The following GLIS1 variants were observed in gnomAD, a reference collection of about 807,000 sequenced individuals.
GLIS1 encodes the protein GLIS family zinc finger 1, also known as zinc finger protein GLIS1.
GLIS1 carries 24 observed loss-of-function variants against 63.8 expected under a neutral mutation model. The ratio of observed to expected loss-of-function variants is 0.38; its 90% CI spans 0.27 to 0.53. GLIS1 has a LOEUF of 0.53. Among genes scored for constraint, GLIS1 ranks in the 20% least tolerant of loss-of-function variants. The pLI is 0.85. For missense variants in GLIS1, 1,036 were observed against 1,074.1 expected, an observed-to-expected ratio of 0.96 and a Z score of 0.50; for synonymous variants, 450 against 482.5, an observed-to-expected ratio of 0.93 and a Z score of 0.88.
chr1:53,568,170 T>C (rs578118008), intron 4 of GLIS1, among the ~76,000 whole-genome samples: 1 of 152,356 alleles, frequency 6.6e-6, no homozygotes, highest in African/African-American at 2.4e-5. Flanking sequence ...GCCCACCCTT[T>C]ACATCAGCAT....
chr1:53,584,583 A>G (rs1645116882), intron 4 of GLIS1, among the ~76,000 whole-genome samples: 1 of 152,190 alleles, frequency 6.6e-6, no homozygotes, highest in Non-Finnish European at 1.5e-5. Context: ...TGAACTTGGC[A>G]CAAGGGGGTG....
At chr1:53,668,895 G>T (rs1259492425) in intron 2 of GLIS1, among the ~76,000 whole-genome samples, 1 of 152,142 alleles carries the variant, frequency 6.6e-6, no homozygotes, top group Non-Finnish European at 1.5e-5. Context: ...GTGAGGGTTG[G>T]GGGCTGAAAG....
At chr1:53,612,686 C>T (rs1645437656) in intron 2 of GLIS1, among the ~76,000 whole-genome samples, 1 of 152,188 alleles carries the variant, frequency 6.6e-6, no homozygotes, top group South Asian at 2.1e-4. Flanking sequence ...TGACTCTTGG[C>T]CCCACATTAC....
chr1:53,696,915 G>A (rs1332696159), intron 2 of GLIS1, among the ~76,000 whole-genome samples: 1 of 152,172 alleles, frequency 6.6e-6, no homozygotes, highest in Non-Finnish European at 1.5e-5. Flanking sequence ...CTCTCGAGAT[G>A]GCCACATGAG....
At chr1:53,585,754 G>C (rs1645128763) in intron 4 of GLIS1, among the ~76,000 whole-genome samples, 1 of 152,222 alleles carries the variant, frequency 6.6e-6, no homozygotes, top group South Asian at 2.1e-4. Context: ...TCAGAGGCCT[G>C]GCTGCAGGCA....
chr1:53,607,706 G>A (rs1645384821), intron 2 of GLIS1, among the ~76,000 whole-genome samples: 1 of 152,210 alleles, frequency 6.6e-6, no homozygotes, highest in African/African-American at 2.4e-5. Flanking sequence ...AGCTGCAGCT[G>A]ATGGCTTCCC....
rs745709709 is a variant in GLIS1, at chr1:53,530,044, AC to A, written c.1321-93del. On this transcript the variant is annotated intron_variant, in intron 4 of 10. Transcript: ENST00000628545. ...CCCCCCAGGCCTGCCTGGCCCCAGCACCCCTGCCCCTCCCATCCTGCTGGAG... is the reference window on the plus strand; with the variant it reads ...CCCCCCAGGCCTGCCTGGCCCCAGCACCCTGCCCCTCCCATCCTGCTGGAG... 30 of 1,205,134 alleles carry A rather than the reference AC, an allele frequency of 2.5e-5. No homozygotes were observed. The South Asian group carries it at 3.5e-4, about 14-fold the overall frequency. 74.7% of individuals were successfully genotyped at this position (1,205,134 alleles called of 1,614,324 possible).
chr1:53,537,405 A>G (rs1569779456), intron 4 of GLIS1, among the ~76,000 whole-genome samples: 1 of 152,214 alleles, frequency 6.6e-6, no homozygotes, highest in Non-Finnish European at 1.5e-5. Flanking sequence ...CTGGGGAAGA[A>G]CCAAGGGCCC....
chr1:53,653,951 G>A (rs1645936372), intron 2 of GLIS1, among the ~76,000 whole-genome samples: 1 of 152,232 alleles, frequency 6.6e-6, no homozygotes, highest in Admixed American at 6.5e-5. Flanking sequence ...GGTGCCACAG[G>A]ACCGGCAGGT....
At chr1:53,573,653 T>C (rs2950248) in intron 4 of GLIS1, among the ~76,000 whole-genome samples, 135,563 of 152,270 alleles carry the variant, frequency 0.89, 61,349 homozygotes, top group Non-Finnish European at 0.98. Context: ...CACATGCACA[T>C]GTACACGCAC....
At chr1:53,632,656 A>C (rs2100252257) in intron 2 of GLIS1, among the ~76,000 whole-genome samples, 1 of 137,604 alleles carries the variant, frequency 7.3e-6, no homozygotes, top group Non-Finnish European at 1.6e-5. Flanking sequence ...GGGGCATGTG[A>C]ATGAGACTGA....
intron 4 of GLIS1, among the ~76,000 whole-genome samples, chr1:53,548,174 G>C (rs921218575): frequency 6.6e-6 from 1 of 152,174 alleles, no homozygotes; most frequent in Non-Finnish European, 1.5e-5. Context: ...GATCTCACAG[G>C]GCCGTTCTGG....
In GLIS1 at chr1:53,561,020, C is replaced by G. The variant is rs533014234; in HGVS notation, c.1321-31068G>C. Among the ~76,000 whole-genome samples the G allele has an allele frequency of 4.2e-4, 64 of 152,232 alleles. 1 individual carries two copies. Among genetic ancestry groups the G allele is most frequent in the African/African-American group, 1.5e-3 (62 of 41,536 alleles). On this transcript the variant is annotated intron_variant, in intron 4 of 10. Transcript: ENST00000628545. ...GGGACCAAGCCCCTACTGTGTGCCC[C>G]CAGGACCGAGCCCCTACTGTGTGCC...
chr1:53,650,700 T>C (rs1439986256), intron 2 of GLIS1, among the ~76,000 whole-genome samples: 2 of 152,160 alleles, frequency 1.3e-5, no homozygotes, highest in African/African-American at 2.4e-5. Context: ...ATTCCTTTCT[T>C]ATTTCAGCAT....
chr1:53,653,452 G>A (rs1041063111), intron 2 of GLIS1, among the ~76,000 whole-genome samples: 1 of 151,986 alleles, frequency 6.6e-6, no homozygotes, highest in East Asian at 1.9e-4. Flanking sequence ...CTCTCCACTC[G>A]CTGTCTATTT....
intron 2 of GLIS1, among the ~76,000 whole-genome samples, chr1:53,692,003 C>A (rs1309319672): frequency 1.3e-5 from 2 of 152,122 alleles, no homozygotes; most frequent in Admixed American, 1.3e-4. Flanking sequence ...TATAATCTAA[C>A]CTGGAGACAG....
chr1:53,534,371 C>T (rs796946594), intron 4 of GLIS1, among the ~76,000 whole-genome samples: 3 of 152,128 alleles, frequency 2.0e-5, no homozygotes, highest in African/African-American at 7.2e-5. Flanking sequence ...CCTGACATCC[C>T]GGTCGCCTCA....
Position 53,738,785 on chromosome 1 carries a change from G to A in GLIS1, c.-43+320C>T, listed in dbSNP as rs926533917. ...CGCGCAAACCGGCACAGTGGGCAAT[G>A]CCCACGCGGCCGCCGCCACACACCC... On this transcript the variant is annotated intron_variant, in intron 1 of 10. Coordinates refer to ENST00000628545, the MANE Select transcript of GLIS1 (RefSeq NM_001367484.1). Among the ~76,000 whole-genome samples, 89 of 152,300 alleles carry A rather than the reference G, an allele frequency of 5.8e-4. 1 individual carries two copies. Among genetic ancestry groups the A allele is most frequent in the African/African-American group, 2.0e-3 (84 of 41,582 alleles).
At chr1:53,521,854 C>T (rs969170511) in intron 6 of GLIS1, among the ~76,000 whole-genome samples, 1 of 152,348 alleles carries the variant, frequency 6.6e-6, no homozygotes, top group Non-Finnish European at 1.5e-5. Context: ...GGGGCAGGCA[C>T]CTGGGAAGGG....
Sources: allele counts gnomAD v4.1 joint callset (sites outside exome capture counted in the v4.1 genomes callset), GRCh38; gene constraint gnomAD v4.1.1; transcripts MANE v1.5; gene names NCBI Gene and HGNC (gene_info 2026-07-23, HGNC 2026-07-21).